Variants in GLIS1 observed in about 807,000 individuals in gnomAD.
GLIS1 encodes zinc finger protein GLIS1.
A neutral mutation model predicts 63.8 loss-of-function variants in GLIS1; 24 were observed. That is an observed-to-expected ratio of 0.38 (90% CI 0.27 to 0.53). The LOEUF (loss-of-function observed/expected upper bound fraction) is 0.53, where lower values mean the gene tolerates loss of function less well. GLIS1 is among the 20% of genes least tolerant of loss of function. The probability of loss-of-function intolerance (pLI) is 0.85; values close to 1 mark genes in which losing one functional copy is unlikely to be tolerated. For synonymous variants in GLIS1, 450 were observed against 482.5 expected, an observed-to-expected ratio of 0.93 and a Z score of 0.88; for missense variants, 1,036 against 1,074.1, an observed-to-expected ratio of 0.96 and a Z score of 0.50.
intron 2 of GLIS1, among the ~76,000 whole-genome samples, chr1:53,667,857 T>A (rs2100385183): frequency 6.6e-6 from 1 of 152,310 alleles, no homozygotes; most frequent in African/African-American, 2.4e-5. Flanking sequence ...CATCTCTTAA[T>A]ACTATTATAT....
At chr1:53,674,039 G>A (rs1436450659) in intron 2 of GLIS1, among the ~76,000 whole-genome samples, 1 of 152,080 alleles carries the variant, frequency 6.6e-6, no homozygotes. Context: ...GGGCATGGGG[G>A]CACGCGCCTG....
At chr1:53,522,962 GTTTC>G (rs1286172380) in intron 6 of GLIS1, among the ~76,000 whole-genome samples, 1 of 130,362 alleles carries the variant, frequency 7.7e-6, no homozygotes, top group African/African-American at 3.1e-5. Context: ...TACGGTTGTA[GTTTC>G]TTTTTCTTTT....
At chr1:53,580,251 C>G (rs1166935872) in intron 4 of GLIS1, among the ~76,000 whole-genome samples, 4 of 152,200 alleles carry the variant, frequency 2.6e-5, no homozygotes, top group Non-Finnish European at 5.9e-5. Context: ...TTCCTGCACC[C>G]TCTTTCAGGG....
chr1:53,672,088 C>T (rs1184118184), intron 2 of GLIS1, among the ~76,000 whole-genome samples: 1 of 152,214 alleles, frequency 6.6e-6, no homozygotes, highest in Non-Finnish European at 1.5e-5. Flanking sequence ...CCAAGGCCAA[C>T]TGAGTCAAGG....
At chr1:53,724,867 C>A (rs190586323) in intron 2 of GLIS1, among the ~76,000 whole-genome samples, 1 of 152,140 alleles carries the variant, frequency 6.6e-6, no homozygotes, top group East Asian at 1.9e-4. Flanking sequence ...TGGTCCAGTA[C>A]CTAACAATGC....
chr1:53,627,009 C>T (rs1645601216), intron 2 of GLIS1, among the ~76,000 whole-genome samples: 1 of 152,228 alleles, frequency 6.6e-6, no homozygotes, highest in Admixed American at 6.5e-5. Context: ...CCTGACGTGC[C>T]GAGGCCCTTA....
chr1:53,604,000 C>T (rs1359527004), intron 2 of GLIS1, among the ~76,000 whole-genome samples: 3 of 152,182 alleles, frequency 2.0e-5, no homozygotes, highest in Non-Finnish European at 4.4e-5. Context: ...GTAAGAATTT[C>T]ATTTGGTTTT....
chr1:53,662,781 C>G (rs1484403785), intron 2 of GLIS1, among the ~76,000 whole-genome samples: 1 of 152,202 alleles, frequency 6.6e-6, no homozygotes, highest in East Asian at 1.9e-4. Context: ...CCTTACTCCC[C>G]CATCCAACCA....
intron 2 of GLIS1, among the ~76,000 whole-genome samples, chr1:53,722,027 G>C (rs1217101102): frequency 1.3e-5 from 2 of 152,126 alleles, no homozygotes; most frequent in African/African-American, 2.4e-5. Flanking sequence ...GAGGAGATAA[G>C]AACTCTGAAG....
At position 53,597,585 on chromosome 1, in the gene GLIS1, C is replaced by T. The variant is rs1014233137; in HGVS notation, c.437+2516G>A. 2.0e-5 allele frequency among the ~76,000 whole-genome samples: 3 copies of T among 152,054 alleles called. No individual in the cohort carries two copies. In the South Asian group the frequency reaches 6.2e-4, roughly 32 times the overall value. The stretch of plus-strand genomic sequence containing the variant: ...GGCAGCTGGCGCAGGAGCCCAGGCG[C>T]TAGTTGCAAGGTCCTGAGATTGGGA... On this transcript the variant is annotated intron_variant, in intron 3 of 10. Coordinates refer to ENST00000628545, the MANE Select transcript of GLIS1 (RefSeq NM_001367484.1).
chr1:53,725,936 CT>C (rs1286423591), intron 2 of GLIS1, among the ~76,000 whole-genome samples: 1 of 152,214 alleles, frequency 6.6e-6, no homozygotes, highest in Non-Finnish European at 1.5e-5. Flanking sequence ...CAGATTCATC[CT>C]GCCAGGGTGC....
chr1:53,732,357 T>C (rs989423348), intron 2 of GLIS1, among the ~76,000 whole-genome samples: 3 of 152,244 alleles, frequency 2.0e-5, no homozygotes, highest in African/African-American at 4.8e-5. Flanking sequence ...TTCTTATAAA[T>C]ATGGCTTTGG....
intron 2 of GLIS1, among the ~76,000 whole-genome samples, chr1:53,723,974 C>G (rs1646781665): frequency 6.6e-6 from 1 of 152,200 alleles, no homozygotes; most frequent in South Asian, 2.1e-4. Context: ...AAGGAACCAG[C>G]AGAAGCCACC....
chr1:53,630,680 A>G (rs1217203543), intron 2 of GLIS1, among the ~76,000 whole-genome samples: 1 of 152,116 alleles, frequency 6.6e-6, no homozygotes, highest in Non-Finnish European at 1.5e-5. Flanking sequence ...TATTTTTAGT[A>G]GAGATGGGGT....
chr1:53,635,542 G>T (rs1043079906), intron 2 of GLIS1, among the ~76,000 whole-genome samples: 1 of 147,858 alleles, frequency 6.8e-6, no homozygotes, highest in Non-Finnish European at 1.5e-5. Context: ...TCCACCACAA[G>T]ATGTTAAAAA....
chr1:53,568,025 C>T (rs1319504130), intron 4 of GLIS1, among the ~76,000 whole-genome samples: 1 of 152,218 alleles, frequency 6.6e-6, no homozygotes, highest in Non-Finnish European at 1.5e-5. Flanking sequence ...AATGGAGACC[C>T]CAGAATGGAG....
chr1:53,543,915 C>G (rs1644670856), intron 4 of GLIS1, among the ~76,000 whole-genome samples: 1 of 151,876 alleles, frequency 6.6e-6, no homozygotes, highest in South Asian at 2.1e-4. Flanking sequence ...AGGACCGTGT[C>G]ACTGAGAAAA....
At chr1:53,730,714 G>A (rs918645917) in intron 2 of GLIS1, among the ~76,000 whole-genome samples, 1 of 152,146 alleles carries the variant, frequency 6.6e-6, no homozygotes, top group Non-Finnish European at 1.5e-5. Flanking sequence ...GCTCCTGCAA[G>A]TCCATCTTCA....
intron 2 of GLIS1, among the ~76,000 whole-genome samples, chr1:53,656,859 G>C (rs1273453820): frequency 6.6e-6 from 1 of 152,222 alleles, no homozygotes; most frequent in Non-Finnish European, 1.5e-5. Flanking sequence ...AGTCAGTTAG[G>C]GGCAGAGGCA....
Sources: allele counts gnomAD v4.1 joint callset (sites outside exome capture counted in the v4.1 genomes callset), GRCh38; gene constraint gnomAD v4.1.1; transcripts MANE v1.5; gene names NCBI Gene and HGNC (gene_info 2026-07-23, HGNC 2026-07-21).